MEIS1: variants seen among roughly 807,000 people sequenced by gnomAD.
MEIS1 encodes Meis homeobox 1.
MEIS1 carries 5 observed loss-of-function variants against 50.8 expected under a neutral mutation model. The ratio of observed to expected loss-of-function variants is 0.10; its 90% CI spans 0.05 to 0.21. The LOEUF is 0.21. Among genes scored for constraint, MEIS1 ranks in the 10% least tolerant of loss-of-function variants. MEIS1 has a pLI of 1.00. For missense variants in MEIS1, 318 were observed against 517.3 expected, an observed-to-expected ratio of 0.61 and a Z score of 3.74; for synonymous variants, 176 against 179.3, an observed-to-expected ratio of 0.98 and a Z score of 0.15.
chr2:66,437,715 T>C (rs772065807), intron 1 of MEIS1, 22 bp from the exon 2 acceptor site: 1 of 1,610,552 alleles, frequency 6.2e-7, no homozygotes, highest in East Asian at 2.2e-5. Flanking sequence ...TGAACCTTCT[T>C]TCTCTCCTGT....
chr2:66,482,320 T>C (rs1673037132), intron 7 of MEIS1, among the ~76,000 whole-genome samples: 1 of 152,164 alleles, frequency 6.6e-6, no homozygotes, highest in Non-Finnish European at 1.5e-5. Flanking sequence ...ACCACCCTTA[T>C]GGTGGAGCAG....
chr2:66,563,163 C>G (rs1000347332), intron 9 of MEIS1, among the ~76,000 whole-genome samples: 1 of 152,146 alleles, frequency 6.6e-6, no homozygotes, highest in East Asian at 1.9e-4. Flanking sequence ...AAAGTTTCCT[C>G]TTACATCTTT....
chr2:66,555,561 G>A (rs1420178339), intron 9 of MEIS1, among the ~76,000 whole-genome samples: 1 of 152,142 alleles, frequency 6.6e-6, no homozygotes, highest in Non-Finnish European at 1.5e-5. Flanking sequence ...TAGCAAGTCA[G>A]GTTTAGGTCT....
chr2:66,528,495 G>T (rs545651026), intron 8 of MEIS1, among the ~76,000 whole-genome samples: 19 of 152,132 alleles, frequency 1.2e-4, no homozygotes, highest in African/African-American at 2.2e-4. Flanking sequence ...CATCACCATA[G>T]ACCCAGAAAC....
At chr2:66,526,377 G>T (rs1674251442) in intron 8 of MEIS1, among the ~76,000 whole-genome samples, 1 of 152,188 alleles carries the variant, frequency 6.6e-6, no homozygotes. Flanking sequence ...ATGTCATTGT[G>T]CAAGTCACCC....
chr2:66,484,777 C>G (rs1322777912), intron 7 of MEIS1, among the ~76,000 whole-genome samples: 1 of 152,050 alleles, frequency 6.6e-6, no homozygotes, highest in Admixed American at 6.6e-5. Flanking sequence ...TTAGGCTGGT[C>G]TCGAACTCCT....
At chr2:66,510,598 A>G (rs761136937) in intron 7 of MEIS1, among the ~76,000 whole-genome samples, 2 of 152,194 alleles carry the variant, frequency 1.3e-5, no homozygotes, top group Non-Finnish European at 2.9e-5. Context: ...CATTTATAGC[A>G]TATTCTGTAA....
chr2:66,446,275 C>A (rs2103699957), intron 6 of MEIS1, among the ~76,000 whole-genome samples: 1 of 152,318 alleles, frequency 6.6e-6, no homozygotes, highest in African/African-American at 2.4e-5. Context: ...GGCCTGGCCA[C>A]CCAGTTGCTA....
At chr2:66,456,281 A>G (rs1486046683) in intron 6 of MEIS1, among the ~76,000 whole-genome samples, 1 of 125,830 alleles carries the variant, frequency 7.9e-6, no homozygotes, top group African/African-American at 3.5e-5. Flanking sequence ...CAAGCAATTC[A>G]CCAGAGTCGC....
intron 9 of MEIS1, among the ~76,000 whole-genome samples, chr2:66,566,834 C>A (rs1259825644): frequency 4.1e-5 from 6 of 145,570 alleles, no homozygotes; most frequent in African/African-American, 1.3e-4. Context: ...ACAACAACAA[C>A]AAAAAAAGCC....
intron 7 of MEIS1, among the ~76,000 whole-genome samples, chr2:66,481,339 C>A (rs1483476922): frequency 6.6e-6 from 1 of 152,216 alleles, no homozygotes; most frequent in Non-Finnish European, 1.5e-5. Flanking sequence ...GCTCCCAGGC[C>A]ACTTTGTGGG....
At chr2:66,446,084 G>C (rs1672136020) in intron 6 of MEIS1, among the ~76,000 whole-genome samples, 1 of 152,104 alleles carries the variant, frequency 6.6e-6, no homozygotes, top group Non-Finnish European at 1.5e-5. Flanking sequence ...CCTCAGCGTG[G>C]GGCGAGGTCC....
chr2:66,476,623 A>G (rs1465942977), intron 7 of MEIS1, among the ~76,000 whole-genome samples: 3 of 152,146 alleles, frequency 2.0e-5, no homozygotes, highest in African/African-American at 7.2e-5. Context: ...GTACCTAACA[A>G]ACTGGCACAG....
intron 2 of MEIS1, among the ~76,000 whole-genome samples, chr2:66,438,900 C>T (rs1211064815): frequency 6.6e-6 from 1 of 151,692 alleles, no homozygotes; most frequent in African/African-American, 2.4e-5. Context: ...TGTTTAATTC[C>T]CACCGTTCTG....
intron 7 of MEIS1, among the ~76,000 whole-genome samples, chr2:66,466,214 A>G (rs1481693839): frequency 6.6e-6 from 1 of 152,176 alleles, no homozygotes; most frequent in Non-Finnish European, 1.5e-5. Context: ...CTAAACTTCC[A>G]GTTTCCCAAT....
intron 8 of MEIS1, among the ~76,000 whole-genome samples, chr2:66,530,647 C>T (rs1296105892): frequency 2.0e-5 from 3 of 151,614 alleles, no homozygotes; most frequent in African/African-American, 7.3e-5. Flanking sequence ...ACCTGGGAGG[C>T]GGAGCTTGCA....
chr2:66,569,823 A>G (rs1219865370), intron 12 of MEIS1: 1 of 152,684 alleles, frequency 6.5e-6, no homozygotes, highest in Non-Finnish European at 1.5e-5. Flanking sequence ...CAGTGTGACA[A>G]ATGGATTTGA....
chr2:66,524,184 C>T (rs957265886), intron 8 of MEIS1, among the ~76,000 whole-genome samples: 1 of 152,110 alleles, frequency 6.6e-6, no homozygotes, highest in African/African-American at 2.4e-5. Context: ...TGAACTTAGA[C>T]AATAATTGCT....
At chr2:66,485,893 T>C (rs1431930449) in intron 7 of MEIS1, among the ~76,000 whole-genome samples, 2 of 152,256 alleles carry the variant, frequency 1.3e-5, no homozygotes, top group Non-Finnish European at 2.9e-5. Flanking sequence ...CACATAAATG[T>C]CCTCTTTTGA....
Sources: gnomAD v4.1 joint callset for allele counts (sites outside exome capture counted in the v4.1 genomes callset) on GRCh38, gnomAD v4.1.1 for gene constraint, MANE v1.5 for transcripts, NCBI Gene and HGNC (gene_info 2026-07-23, HGNC 2026-07-21) for gene names.